The following GTF2E2 variants were observed in gnomAD, a reference collection of about 807,000 sequenced individuals.
GTF2E2 encodes the protein general transcription factor IIE subunit 2.
Under a neutral mutation model 40.5 loss-of-function variants are expected in GTF2E2, and 21 were observed. That is an observed-to-expected ratio of 0.52 (90% CI 0.37 to 0.75). The LOEUF (loss-of-function observed/expected upper bound fraction) is 0.75, where lower values mean the gene tolerates loss of function less well. Among genes scored for constraint, GTF2E2 ranks in the 30% least tolerant of loss-of-function variants. The probability of loss-of-function intolerance (pLI) is 0.00; values close to 1 mark genes in which losing one functional copy is unlikely to be tolerated. For missense variants in GTF2E2, 298 were observed against 338.4 expected, an observed-to-expected ratio of 0.88 and a Z score of 0.94; for synonymous variants, 117 against 121.6, an observed-to-expected ratio of 0.96 and a Z score of 0.25.
intron 1 of GTF2E2, among the ~76,000 whole-genome samples, chr8:30,655,087 G>A (rs1802412239): frequency 6.6e-6 from 1 of 151,844 alleles, no homozygotes; most frequent in Non-Finnish European, 1.5e-5. Context: ...TGTAGTCCGG[G>A]CTACTCAGAA....
chr8:30,582,189 G>T (rs548668200), intron 6 of GTF2E2, among the ~76,000 whole-genome samples: 27 of 152,150 alleles, frequency 1.8e-4, no homozygotes, highest in African/African-American at 6.5e-4. Context: ...TTGTTTCTGG[G>T]GGGGTGGGGG....
At chr8:30,594,548 G>A (rs540905377) in intron 6 of GTF2E2, among the ~76,000 whole-genome samples, 5 of 147,374 alleles carry the variant, frequency 3.4e-5, no homozygotes, top group South Asian at 2.2e-4. Context: ...TGCAGGAATG[G>A]ATCTTTAAAA....
At chr8:30,640,368 C>T (rs920338775) in intron 2 of GTF2E2, among the ~76,000 whole-genome samples, 1 of 152,150 alleles carries the variant, frequency 6.6e-6, no homozygotes, top group African/African-American at 2.4e-5. Flanking sequence ...TAACACTGCA[C>T]TGGGGCCTTT....
At position 30,658,219 on chromosome 8, in the gene GTF2E2, G is replaced by A. The variant is rs1033988767; in HGVS notation, c.-251C>T. 1 of 175,176 alleles carries A rather than the reference G, an allele frequency of 5.7e-6. No homozygotes were observed. The highest frequency in any genetic ancestry group is 9.0e-5 in the South Asian group (1 of 11,098). 10.9% of individuals were successfully genotyped at this position (175,176 alleles called of 1,614,324 possible). A position where few individuals can be genotyped will look rare whatever the true frequency, so the allele number is the denominator to read the frequency against. ...GGACTCCGCCCGCCACTTCCCGATCGGGTGCTAGGAGCTCAGTCCCGGCAG... is the reference window on the plus strand; with the variant it reads ...GGACTCCGCCCGCCACTTCCCGATCAGGTGCTAGGAGCTCAGTCCCGGCAG... On this transcript the variant is annotated 5_prime_UTR_variant, in exon 1 of 8. Transcript: ENST00000355904.
At position 30,635,094 on chromosome 8, in the gene GTF2E2, C is replaced by T. The variant is rs879790610; in HGVS notation, c.196G>A (p.Ala66Thr). ...TTATATCCAGAGCTTCCTGACAAAGCTTTCAAGTTAAATGATCCATTGCTA... is the reference window on the plus strand; with the variant it reads ...TTATATCCAGAGCTTCCTGACAAAGTTTTCAAGTTAAATGATCCATTGCTA... Reference protein sequence around the residue: ...DHSNGSFNLKALSGSSGYKFG... With the variant: ...DHSNGSFNLKTLSGSSGYKFG... Residue 66 changes from alanine to threonine, a missense_variant, in exon 3 of 8, where the codon GCT becomes ACT. Physicochemically the swap from Ala to Thr is moderately conservative, Grantham distance 58. Coordinates refer to ENST00000355904, the MANE Select transcript of GTF2E2 (RefSeq NM_002095.6). 6.2e-7 allele frequency: 1 copy of T among 1,607,434 alleles called. No homozygotes were observed. Among genetic ancestry groups the T allele is most frequent in the Non-Finnish European group, 8.5e-7 (1 of 1,174,708 alleles).
intron 6 of GTF2E2, among the ~76,000 whole-genome samples, chr8:30,582,900 A>G (rs1051092726): frequency 2.6e-5 from 4 of 152,190 alleles, no homozygotes; most frequent in Non-Finnish European, 5.9e-5. Context: ...ATATTTTCAG[A>G]CTATATAAAT....
At chr8:30,599,446 G>GT (rs963555124) in intron 6 of GTF2E2, among the ~76,000 whole-genome samples, 1 of 152,030 alleles carries the variant, frequency 6.6e-6, no homozygotes, top group Non-Finnish European at 1.5e-5. Context: ...AGGCATGGTG[G>GT]TACGTACTTC....
chr8:30,640,859 C>G (rs914148930), intron 2 of GTF2E2, among the ~76,000 whole-genome samples: 4 of 152,136 alleles, frequency 2.6e-5, no homozygotes, highest in African/African-American at 7.2e-5. Context: ...CACCCGCCAC[C>G]ACAACTGGCT....
chr8:30,614,757 T>G, intron 3 of GTF2E2, 42 bp from the exon 4 acceptor site: 2 of 1,048,938 alleles, frequency 1.9e-6, no homozygotes, highest in Non-Finnish European at 3.0e-6. Context: ...AGTTTCAAAA[T>G]GCTAGATGCA....
intron 6 of GTF2E2, among the ~76,000 whole-genome samples, chr8:30,583,798 T>TTTA (rs759947113): frequency 5.0e-4 from 75 of 150,890 alleles, no homozygotes; most frequent in East Asian, 2.3e-3. Flanking sequence ...TATTTATTTA[T>TTTA]TTTATTTATT....
chr8:30,585,398 C>CAGCT (rs1222732838), intron 6 of GTF2E2, among the ~76,000 whole-genome samples: 1 of 152,060 alleles, frequency 6.6e-6, no homozygotes, highest in Non-Finnish European at 1.5e-5. Context: ...AGAAGAGGAT[C>CAGCT]AGCTACTAGA....
intron 6 of GTF2E2, among the ~76,000 whole-genome samples, chr8:30,591,692 T>A (rs537819766): frequency 6.6e-6 from 1 of 152,310 alleles, no homozygotes; most frequent in Admixed American, 6.5e-5. Flanking sequence ...TAAATTAATG[T>A]AGCTGCTTTG....
chr8:30,592,918 G>T (rs1828890532), intron 6 of GTF2E2, among the ~76,000 whole-genome samples: 1 of 152,110 alleles, frequency 6.6e-6, no homozygotes, highest in African/African-American at 2.4e-5. Context: ...CATACACACA[G>T]GGCCAGGCAC....
At chr8:30,595,788 C>T (rs1416915568) in intron 6 of GTF2E2, among the ~76,000 whole-genome samples, 1 of 151,598 alleles carries the variant, frequency 6.6e-6, no homozygotes, top group African/African-American at 2.4e-5. Context: ...GCCAAGATTG[C>T]ACCACTGCAC....
In GTF2E2 at chr8:30,635,047, A is replaced by C. The variant is rs1383823247; in HGVS notation, c.243T>G (p.Ile81Met). The change falls in exon 3 of 8, where the codon ATT becomes ATG. Residue 81 changes from isoleucine to methionine, a missense_variant. Ile to Met is a conservative substitution (Grantham distance 10, BLOSUM62 1). Coordinates refer to ENST00000355904, the MANE Select transcript of GTF2E2 (RefSeq NM_002095.6). ...AAGTACTTACCTTCATGTAATTCAC[A>C]ATCTTAGCAAGAACACCAAACTTAT... ...SGYKFGVLAK[I>M]VNYMKTRHQR... The C allele has an allele frequency of 6.3e-7, 1 of 1,590,822 alleles. No individual in the cohort carries two copies. Among genetic ancestry groups the C allele is most frequent in the Admixed American group, 1.7e-5 (1 of 59,276 alleles).
intron 3 of GTF2E2, among the ~76,000 whole-genome samples, chr8:30,634,256 T>A (rs528920583): frequency 2.0e-5 from 3 of 152,134 alleles, no homozygotes; most frequent in Non-Finnish European, 4.4e-5. Flanking sequence ...GAGACCAGCC[T>A]GGACAACACA....
chr8:30,580,467 G>A, intron 6 of GTF2E2, 71 bp from the exon 7 acceptor site: 1 of 870,500 alleles, frequency 1.1e-6, no homozygotes, highest in Non-Finnish European at 1.9e-6. Flanking sequence ...CAAAATCCAG[G>A]TTTCAGTGTT....
At chr8:30,617,365 G>C (rs77253676) in intron 3 of GTF2E2, among the ~76,000 whole-genome samples, 101 of 152,244 alleles carry the variant, frequency 6.6e-4, no homozygotes, top group Non-Finnish European at 1.1e-3. Context: ...ACTGCAATGA[G>C]ACACACAATA....
In GTF2E2 at chr8:30,581,811, G is replaced by A. The variant is rs772619931; in HGVS notation, c.644-1415C>T. Among the ~76,000 whole-genome samples, 106 of 151,944 alleles carry A rather than the reference G, an allele frequency of 7.0e-4. 1 individual carries two copies. The highest frequency in any genetic ancestry group is 2.1e-4 in the South Asian group (1 of 4,814). On this transcript the variant is annotated intron_variant, in intron 6 of 7. Coordinates refer to ENST00000355904, the MANE Select transcript of GTF2E2 (RefSeq NM_002095.6). Reference sequence around the variant, plus strand: ...TTTCCATCTTGTTTCCATGATAGTCGGCGTATTTCCATCTCGTTTCCATGA... The same window carrying A: ...TTTCCATCTTGTTTCCATGATAGTCAGCGTATTTCCATCTCGTTTCCATGA...
Sources: allele counts gnomAD v4.1 joint callset (sites outside exome capture counted in the v4.1 genomes callset), GRCh38; gene constraint gnomAD v4.1.1; transcripts MANE v1.5; gene names NCBI Gene and HGNC (gene_info 2026-07-23, HGNC 2026-07-21).